Variants in CNGA1 observed in about 807,000 individuals in gnomAD.
CNGA1 encodes cyclic nucleotide-gated channel alpha-1.
In CNGA1, 53 loss-of-function variants were observed where a neutral mutation model predicts 69.7. The ratio of observed to expected loss-of-function variants is 0.76; its 90% confidence interval spans 0.61 to 0.96. CNGA1 has a LOEUF of 0.96. CNGA1 is among the 40% of genes least tolerant of loss of function. The pLI is 0.00. For synonymous variants in CNGA1, 249 were observed against 283.5 expected, an observed-to-expected ratio of 0.88 and a Z score of 1.22; for missense variants, 739 against 811.2, an observed-to-expected ratio of 0.91 and a Z score of 1.08.
intron 2 of CNGA1, among the ~76,000 whole-genome samples, chr4:47,995,836 T>C (rs1276956140): frequency 2.0e-5 from 3 of 152,132 alleles, no homozygotes; most frequent in Non-Finnish European, 2.9e-5. Flanking sequence ...CCACAGGGTG[T>C]TCCCTTGATG....
chr4:47,960,157 A>G (rs1403378478), intron 3 of CNGA1, among the ~76,000 whole-genome samples: 1 of 152,222 alleles, frequency 6.6e-6, no homozygotes, highest in Non-Finnish European at 1.5e-5. Flanking sequence ...TAATAAGCAC[A>G]TGAAAATGTG....
chr4:47,954,068 G>A (rs1739910527), intron 3 of CNGA1, among the ~76,000 whole-genome samples: 1 of 152,104 alleles, frequency 6.6e-6, no homozygotes, highest in South Asian at 2.1e-4. Flanking sequence ...ATGTCGAGAG[G>A]AACAGAGTGG....
At chr4:47,988,305 A>G (rs1742075819) in intron 2 of CNGA1, among the ~76,000 whole-genome samples, 1 of 152,158 alleles carries the variant, frequency 6.6e-6, no homozygotes, top group Non-Finnish European at 1.5e-5. Flanking sequence ...AAAATAAGGC[A>G]TTGTAGGCTT....
intron 6 of CNGA1, among the ~76,000 whole-genome samples, chr4:47,949,282 T>A (rs1252376627): frequency 6.6e-6 from 1 of 152,190 alleles, no homozygotes; most frequent in Non-Finnish European, 1.5e-5. Flanking sequence ...TTTTTTCCAA[T>A]AACTGTGCAT....
At position 48,004,331 on chromosome 4, in the gene CNGA1, C is replaced by T. The variant is rs192395125; in HGVS notation, c.-123+6463G>A. Among the ~76,000 whole-genome samples the T allele has an allele frequency of 1.5e-3, 230 of 152,262 alleles. 1 individual carries two copies. Among genetic ancestry groups the T allele is most frequent in the African/African-American group, 5.3e-3 (219 of 41,570 alleles). On this transcript the variant is annotated intron_variant, in intron 2 of 10. Coordinates refer to ENST00000514170, the MANE Select transcript of CNGA1 (RefSeq NM_001379270.1). ...CATTCAGGGCCACTACCGGTCTCCG[C>T]GTCTTTGTGGTAGTGGTCCCCCAGG...
intron 3 of CNGA1, among the ~76,000 whole-genome samples, chr4:47,959,427 G>A (rs1034972474): frequency 7.7e-6 from 1 of 130,620 alleles, no homozygotes; most frequent in East Asian, 1.9e-4. Flanking sequence ...AAAGTACATG[G>A]AGAAAAAAAG....
At chr4:47,969,254 C>G (rs914710156) in intron 3 of CNGA1, among the ~76,000 whole-genome samples, 1 of 152,026 alleles carries the variant, frequency 6.6e-6, no homozygotes, top group Non-Finnish European at 1.5e-5. Context: ...ACACCTCCTG[C>G]TTTAAGAAAC....
chr4:47,980,040 G>C (rs1741616450), intron 3 of CNGA1, among the ~76,000 whole-genome samples: 1 of 152,162 alleles, frequency 6.6e-6, no homozygotes, highest in South Asian at 2.1e-4. Context: ...AATGATTCCA[G>C]AATGGAGAAA....
At chr4:47,958,009 C>T (rs893259394) in intron 3 of CNGA1, among the ~76,000 whole-genome samples, 14 of 151,504 alleles carry the variant, frequency 9.2e-5, no homozygotes, top group Non-Finnish European at 1.9e-4. Context: ...ATTCTCCTGC[C>T]TCAACCTCCC....
At chr4:47,986,751 AAG>A (rs950487537) in intron 2 of CNGA1, among the ~76,000 whole-genome samples, 10 of 152,136 alleles carry the variant, frequency 6.6e-5, no homozygotes, top group Non-Finnish European at 1.0e-4. Context: ...AAATAAAAAA[AAG>A]AGAGAGAGAA....
At chr4:47,953,991 T>C (rs1560627386) in intron 3 of CNGA1, among the ~76,000 whole-genome samples, 1 of 152,026 alleles carries the variant, frequency 6.6e-6, no homozygotes, top group Non-Finnish European at 1.5e-5. Context: ...ACTCTAGCTG[T>C]CACGTCCCCC....
intron 3 of CNGA1, among the ~76,000 whole-genome samples, chr4:47,958,020 G>A (rs766989218): frequency 6.0e-5 from 9 of 150,620 alleles, no homozygotes; most frequent in Non-Finnish European, 8.9e-5. Context: ...TCAACCTCCC[G>A]AGTAGCTGGG....
At chr4:48,012,743 G>GACA (rs1560318269) in intron 1 of CNGA1, 2 of 151,684 alleles carry the variant, frequency 1.3e-5, no homozygotes, top group Non-Finnish European at 2.9e-5. Flanking sequence ...ATAAAAAACA[G>GACA]ACAACAACAA....
chr4:47,938,173 C>CA (rs10717851), intron 10 of CNGA1, among the ~76,000 whole-genome samples: 11 of 126,502 alleles, frequency 8.7e-5, no homozygotes, highest in South Asian at 2.6e-4. Context: ...GACCCTGTCT[C>CA]AAAAAAAAAA....
At chr4:47,981,697 G>C (rs73814637) in intron 2 of CNGA1, among the ~76,000 whole-genome samples, 197 bp from the exon 3 acceptor site, 2,581 of 152,242 alleles carry the variant, frequency 0.017, 56 homozygotes, top group African/African-American at 0.058. Context: ...CTTTGCTTGA[G>C]TCTGAGCCTA....
intron 2 of CNGA1, among the ~76,000 whole-genome samples, chr4:48,000,554 T>TA (rs1481397038): frequency 6.6e-6 from 1 of 152,090 alleles, no homozygotes; most frequent in Non-Finnish European, 1.5e-5. Context: ...TTTTAGTAGA[T>TA]ACGGGGCTTC....
At chr4:47,971,256 C>T (rs1192019730) in intron 3 of CNGA1, among the ~76,000 whole-genome samples, 1 of 151,080 alleles carries the variant, frequency 6.6e-6, no homozygotes, top group Non-Finnish European at 1.5e-5. Flanking sequence ...AAAGTGGTAA[C>T]AGTGATTGCC....
chr4:47,980,062 T>C (rs1039134097), intron 3 of CNGA1, among the ~76,000 whole-genome samples: 2 of 152,198 alleles, frequency 1.3e-5, no homozygotes, highest in African/African-American at 4.8e-5. Flanking sequence ...GAGGGCGTAT[T>C]CTCTAGGGGA....
At chr4:47,987,105 T>A (rs569145862) in intron 2 of CNGA1, among the ~76,000 whole-genome samples, 1 of 151,784 alleles carries the variant, frequency 6.6e-6, no homozygotes, top group African/African-American at 2.4e-5. Context: ...CCTTGACTGA[T>A]AGAACATAGC....
Sources: gnomAD v4.1 joint callset for allele counts (sites outside exome capture counted in the v4.1 genomes callset) on GRCh38, gnomAD v4.1.1 for gene constraint, MANE v1.5 for transcripts, NCBI Gene and HGNC (gene_info 2026-07-23, HGNC 2026-07-21) for gene names.